SSBP2: variants seen among roughly 807,000 people sequenced by gnomAD.
SSBP2 encodes single-stranded DNA-binding protein 2.
In SSBP2, 17 loss-of-function variants were observed where a neutral mutation model predicts 61.8. The ratio of observed to expected loss-of-function variants is 0.28; its 90% CI spans 0.19 to 0.41. The LOEUF (loss-of-function observed/expected upper bound fraction) is 0.41, where lower values mean the gene tolerates loss of function less well. Ranked by LOEUF, SSBP2 falls within the 10% of genes least tolerant of loss-of-function variation. The pLI, the probability that SSBP2 is intolerant of heterozygous loss-of-function variation, is 1.00. For missense variants in SSBP2, 310 were observed against 458.7 expected (o/e 0.68, Z 2.96); for synonymous variants, 139 against 141.3 (o/e 0.98, Z 0.12).
At position 81,672,573 on chromosome 5, in the gene SSBP2, C is replaced by CT. The variant is rs765466355; in HGVS notation, c.63-22235dup. ...CTAAATTAATCTCCAGATACTTTTT[C>CT]TTTTTTTTTTTTTTTGAGATGGAGT... is the stretch of plus-strand genomic sequence containing the variant. On this transcript the variant is annotated intron_variant, in intron 1 of 16. Coordinates refer to ENST00000320672, the MANE Select transcript of SSBP2 (RefSeq NM_012446.5). Among the ~76,000 whole-genome samples the CT allele has an allele frequency of 8.9e-3, 1,237 of 138,644 alleles. 7 individuals are homozygous for CT. The highest frequency in any genetic ancestry group is 0.013 in the Non-Finnish European group (827 of 63,146). 91.0% of individuals were successfully genotyped at this position (138,644 alleles called of 152,430 possible). A position where few individuals can be genotyped will look rare whatever the true frequency, so the allele number is the denominator to read the frequency against.
At chr5:81,674,512 G>A (rs1458469375) in intron 1 of SSBP2, among the ~76,000 whole-genome samples, 3 of 151,890 alleles carry the variant, frequency 2.0e-5, no homozygotes, top group Non-Finnish European at 4.4e-5. Context: ...AGCAAATTCG[G>A]AGCAACTAGA....
At chr5:81,525,192 A>G (rs1216580203) in intron 4 of SSBP2, among the ~76,000 whole-genome samples, 1 of 151,872 alleles carries the variant, frequency 6.6e-6, no homozygotes, top group African/African-American at 2.4e-5. Context: ...TTTTTAAAAA[A>G]CTTTTAGGTT....
intron 3 of SSBP2, among the ~76,000 whole-genome samples, chr5:81,615,802 T>C (rs560685214): frequency 4.4e-4 from 67 of 152,230 alleles, no homozygotes; most frequent in Admixed American, 7.9e-4. Context: ...AATTTAAAAA[T>C]TGTCATTCTT....
intron 4 of SSBP2, among the ~76,000 whole-genome samples, chr5:81,550,516 G>T (rs1417642365): frequency 1.3e-5 from 2 of 152,078 alleles, no homozygotes; most frequent in African/African-American, 2.4e-5. Flanking sequence ...AAAAAGAGGG[G>T]CATGAAAAAA....
At chr5:81,660,169 G>A (rs1038235621) in intron 1 of SSBP2, among the ~76,000 whole-genome samples, 1 of 152,060 alleles carries the variant, frequency 6.6e-6, no homozygotes, top group African/African-American at 2.4e-5. Flanking sequence ...ATAGACAAAT[G>A]GGATCTAATT....
intron 16 of SSBP2, among the ~76,000 whole-genome samples, chr5:81,424,297 G>A (rs1236379596): frequency 2.0e-5 from 3 of 152,160 alleles, no homozygotes; most frequent in South Asian, 2.1e-4. Flanking sequence ...GGTGGCACAC[G>A]CCTGTAATCC....
chr5:81,587,427 G>A (rs1269392862), intron 4 of SSBP2, among the ~76,000 whole-genome samples: 2 of 152,124 alleles, frequency 1.3e-5, no homozygotes, highest in African/African-American at 2.4e-5. Context: ...GTGTGTACAC[G>A]TGGGGAAAAA....
At chr5:81,705,895 G>A (rs1487930849) in intron 1 of SSBP2, among the ~76,000 whole-genome samples, 1 of 152,168 alleles carries the variant, frequency 6.6e-6, no homozygotes, top group Non-Finnish European at 1.5e-5. Context: ...CACTGTTGGT[G>A]GGAATGTAAA....
intron 4 of SSBP2, among the ~76,000 whole-genome samples, chr5:81,545,995 C>T (rs1181752032): frequency 6.6e-6 from 1 of 152,142 alleles, no homozygotes; most frequent in Non-Finnish European, 1.5e-5. Context: ...TAAGCACAAG[C>T]TGGTTGATCA....
chr5:81,668,029 A>T (rs1473927277), intron 1 of SSBP2, among the ~76,000 whole-genome samples: 1 of 152,072 alleles, frequency 6.6e-6, no homozygotes, highest in Non-Finnish European at 1.5e-5. Context: ...AACTTTCCCC[A>T]CCTGAGAGAA....
At chr5:81,607,026 C>A (rs1404235868) in intron 4 of SSBP2, among the ~76,000 whole-genome samples, 1 of 152,166 alleles carries the variant, frequency 6.6e-6, no homozygotes, top group Non-Finnish European at 1.5e-5. Flanking sequence ...TTCTAATATA[C>A]ACGCTGAATT....
intron 1 of SSBP2, among the ~76,000 whole-genome samples, chr5:81,692,249 C>T (rs1470372247): frequency 1.3e-5 from 2 of 151,922 alleles, no homozygotes; most frequent in Non-Finnish European, 2.9e-5. Flanking sequence ...AGAAAGTAAT[C>T]CCATTTATAA....
chr5:81,661,326 A>G lies in SSBP2; in HGVS notation c.63-10987T>C, dbSNP rs138117906. On this transcript the variant is annotated intron_variant, in intron 1 of 16. Transcript: ENST00000320672. ...AGCGGCAATGACTATGGGAATGCAG[A>G]TATCTCTCTGACATACTGATTTCAT... Among the ~76,000 whole-genome samples, 18 of 152,284 alleles carry G rather than the reference A, an allele frequency of 1.2e-4. No individual in the cohort carries two copies. In the East Asian group the frequency reaches 2.3e-3, roughly 20 times the overall value.
chr5:81,461,892 A>G (rs1459254334), intron 9 of SSBP2, among the ~76,000 whole-genome samples: 1 of 152,236 alleles, frequency 6.6e-6, no homozygotes, highest in Non-Finnish European at 1.5e-5. Flanking sequence ...CTCATACTTT[A>G]GTACTAAATT....
intron 1 of SSBP2, among the ~76,000 whole-genome samples, chr5:81,749,923 C>A (rs943844940): frequency 6.6e-6 from 1 of 152,300 alleles, no homozygotes; most frequent in East Asian, 1.9e-4. Context: ...AACGCTTCTC[C>A]CCTCCCACAA....
rs1283050988 is a variant in SSBP2 at position 81,417,795 on chromosome 5, T to G, written c.*2709A>C. ...CTCCTCAAAAATAATTTTTCAACTA[T>G]TTCAGGAAATTTTTAAATCTAAAAT... is the stretch of plus-strand genomic sequence containing the variant. On this transcript the variant is annotated 3_prime_UTR_variant, in exon 17 of 17. Coordinates refer to ENST00000320672, the MANE Select transcript of SSBP2 (RefSeq NM_012446.5). The G allele has an allele frequency of 2.0e-5, 3 of 152,150 alleles. No individual in the cohort carries two copies. The highest frequency in any genetic ancestry group is 7.2e-5 in the African/African-American group (3 of 41,442). 9.4% of individuals were successfully genotyped at this position (152,150 alleles called of 1,614,324 possible).
intron 3 of SSBP2, among the ~76,000 whole-genome samples, chr5:81,622,774 ATCTC>A (rs907838821): frequency 6.6e-6 from 1 of 152,056 alleles, no homozygotes; most frequent in South Asian, 2.1e-4. Context: ...TTTAGTCTGG[ATCTC>A]TCTCTCTCTT....
intron 5 of SSBP2, among the ~76,000 whole-genome samples, chr5:81,511,007 A>T (rs1238178912): frequency 1.3e-5 from 2 of 151,122 alleles, no homozygotes; most frequent in African/African-American, 4.9e-5. Flanking sequence ...ATCACCAGCT[A>T]CTCTCCCTTT....
chr5:81,590,153 A>AG (rs1349178395), intron 4 of SSBP2, among the ~76,000 whole-genome samples: 1 of 152,082 alleles, frequency 6.6e-6, no homozygotes, highest in Non-Finnish European at 1.5e-5. Flanking sequence ...TGAAGTGGGG[A>AG]GGGGTGTGTT....
Sources: allele counts gnomAD v4.1 joint callset (sites outside exome capture counted in the v4.1 genomes callset), GRCh38; gene constraint gnomAD v4.1.1; transcripts MANE v1.5; gene names NCBI Gene and HGNC (gene_info 2026-07-23, HGNC 2026-07-21).